The following PPP2CA variants were observed in gnomAD, a reference collection of about 807,000 sequenced individuals.
The protein encoded by PPP2CA is serine/threonine-protein phosphatase 2A catalytic subunit alpha isoform.
A neutral mutation model predicts 38.8 loss-of-function variants in PPP2CA; 5 were observed. That is an observed-to-expected ratio of 0.13 (90% CI 0.07 to 0.27). The LOEUF is 0.27. Ranked by LOEUF, PPP2CA falls within the 10% of genes least tolerant of loss-of-function variation. The pLI is 1.00. For synonymous variants in PPP2CA, 152 were observed against 134.0 expected, an observed-to-expected ratio of 1.13 and a Z score of -0.93; for missense variants, 88 against 389.7, an observed-to-expected ratio of 0.23 and a Z score of 6.52.
At position 134,222,201 on chromosome 5, in the gene PPP2CA, G is replaced by A. The variant is rs932884866; in HGVS notation, c.102+3559C>T. ...GAGTCTTTGAGTTGCATCTGTAACT[G>A]AGAACAATATCTTATAAAAGTATGA... On this transcript the variant is annotated intron_variant, in intron 1 of 6. Transcript: ENST00000481195. 2.0e-5 allele frequency among the ~76,000 whole-genome samples: 3 copies of A among 152,050 alleles called. No homozygotes were observed. In the East Asian group the frequency reaches 5.8e-4, roughly 29 times the overall value.
rs1762077075 is a variant in PPP2CA, at chr5:134,206,093, C to T, written c.141G>A (p.Glu47=). 1.2e-6 allele frequency: 2 copies of T among 1,614,010 alleles called. No homozygotes were observed. The highest frequency in any genetic ancestry group is 8.5e-7 in the Non-Finnish European group (1 of 1,180,014). The part of the protein sequence containing the change: ...EILTKESNVQ[E]VRCPVTVCGD... ...CACAGACAGTAACTGGACATCGAAC[C>T]TCTTGCACGTTGGATTCTTTTGTCA... The change falls in exon 2 of 7, where the codon GAG becomes GAA. Residue 47 remains glutamate (E), a synonymous_variant. Transcript: ENST00000481195.
chr5:134,202,428 C>G (rs549190781), intron 2 of PPP2CA: 2 of 63,946 alleles, frequency 3.1e-5, no homozygotes, highest in East Asian at 5.4e-4. Context: ...CTGGCAACCA[C>G]TGATTTACTG....
chr5:134,224,591 A>C (rs536564686), intron 1 of PPP2CA, among the ~76,000 whole-genome samples: 168 of 152,372 alleles, frequency 1.1e-3, no homozygotes, highest in African/African-American at 3.4e-3. Context: ...ACGTGCTGCA[A>C]AGTTAATTTT....
At chr5:134,198,565 C>T (rs1449430910) in intron 6 of PPP2CA, among the ~76,000 whole-genome samples, 1 of 151,960 alleles carries the variant, frequency 6.6e-6, no homozygotes, top group Admixed American at 6.6e-5. Flanking sequence ...TAGCATAATC[C>T]CTTAATAAAC....
At chr5:134,222,252 T>TC (rs1257184981) in intron 1 of PPP2CA, among the ~76,000 whole-genome samples, 1 of 152,110 alleles carries the variant, frequency 6.6e-6, no homozygotes, top group Non-Finnish European at 1.5e-5. Context: ...GTAACATGCT[T>TC]CCCCCACCTG....
At chr5:134,214,266 C>A (rs1039758452) in intron 1 of PPP2CA, among the ~76,000 whole-genome samples, 16 of 152,202 alleles carry the variant, frequency 1.1e-4, no homozygotes, top group African/African-American at 3.9e-4. Context: ...CCCACACAGA[C>A]CTCTTACTTA....
intron 1 of PPP2CA, among the ~76,000 whole-genome samples, chr5:134,207,549 T>C (rs1378216874): frequency 2.0e-5 from 3 of 152,190 alleles, no homozygotes; most frequent in Non-Finnish European, 2.9e-5. Flanking sequence ...CCACTGCACT[T>C]TGGGACGCTA....
intron 1 of PPP2CA, among the ~76,000 whole-genome samples, chr5:134,211,085 A>G (rs1762194621): frequency 6.6e-6 from 1 of 151,946 alleles, no homozygotes; most frequent in Non-Finnish European, 1.5e-5. Flanking sequence ...ATCTTTGAGG[A>G]TACTTTTTAA....
At position 134,219,644 on chromosome 5, in the gene PPP2CA, T is replaced by C. The variant is rs563467415; in HGVS notation, c.102+6116A>G. On this transcript the variant is annotated intron_variant, in intron 1 of 6. Transcript: ENST00000481195. Reference sequence around the variant, plus strand: ...TCAGATATACACGCATCTGTGTCACTGCCTTGTTCATCCATTCTAAACCAC... The same window carrying C: ...TCAGATATACACGCATCTGTGTCACCGCCTTGTTCATCCATTCTAAACCAC... 2.0e-4 allele frequency among the ~76,000 whole-genome samples: 30 copies of C among 152,320 alleles called. 1 individual carries two copies. The South Asian group carries it at 6.2e-3, about 32-fold the overall frequency.
At chr5:134,212,932 T>C (rs1762232456) in intron 1 of PPP2CA, among the ~76,000 whole-genome samples, 1 of 152,212 alleles carries the variant, frequency 6.6e-6, no homozygotes, top group African/African-American at 2.4e-5. Context: ...CTGCAGAAGT[T>C]AAGCTTAAAG....
intron 1 of PPP2CA, among the ~76,000 whole-genome samples, chr5:134,223,513 A>G (rs914619599): frequency 6.6e-6 from 1 of 152,232 alleles, no homozygotes. Context: ...CATTCCACAG[A>G]AACTTTTATA....
rs185439860 is a variant in PPP2CA at position 134,215,869 on chromosome 5, T to C, written c.103-9738A>G. ...TGCTATCTCAGAGAAAAGATGAGAC[T>C]GAGATAATAACCCTTATTCTTCAAA... On this transcript the variant is annotated intron_variant, in intron 1 of 6. Coordinates refer to ENST00000481195, the MANE Select transcript of PPP2CA (RefSeq NM_002715.4). Among the ~76,000 whole-genome samples the C allele has an allele frequency of 1.4e-3, 217 of 152,334 alleles. 1 individual carries two copies. Among genetic ancestry groups the C allele is most frequent in the African/African-American group, 5.1e-3 (210 of 41,576 alleles).
At position 134,225,966 on chromosome 5, in the gene PPP2CA, G is replaced by A. The variant is rs1762572542; in HGVS notation, c.-105C>T. The A allele has an allele frequency of 1.8e-6, 2 of 1,106,644 alleles. No individual in the cohort carries two copies. The highest frequency in any genetic ancestry group is 5.2e-5 in the East Asian group (2 of 38,164). The allele number at this position is 1,106,644 out of a possible 1,614,324, so 68.6% of individuals were successfully genotyped here. ...GCCGCCGGTTCCTCGTGTACTTCTGGCGGCTGTTGAGGCTGGCGCTGGCCC... is the reference window on the plus strand; with the variant it reads ...GCCGCCGGTTCCTCGTGTACTTCTGACGGCTGTTGAGGCTGGCGCTGGCCC... On this transcript the variant is annotated 5_prime_UTR_variant, in exon 1 of 7. Transcript: ENST00000481195.
intron 5 of PPP2CA, 159 bp from the exon 6 acceptor site, chr5:134,199,363 T>C (rs1761923851): frequency 5.2e-6 from 3 of 577,340 alleles, no homozygotes; most frequent in Non-Finnish European, 9.3e-6. Flanking sequence ...TAATCTCCTG[T>C]ACTTTATACA....
chr5:134,221,925 G>A (rs575864497), intron 1 of PPP2CA, among the ~76,000 whole-genome samples: 8 of 146,180 alleles, frequency 5.5e-5, no homozygotes, highest in African/African-American at 7.6e-5. Context: ...CCGAGATTGC[G>A]CCACTGCACT....
intron 1 of PPP2CA, among the ~76,000 whole-genome samples, chr5:134,215,907 G>A (rs1762310108): frequency 6.6e-6 from 1 of 152,080 alleles, no homozygotes; most frequent in African/African-American, 2.4e-5. Flanking sequence ...TTAGGACTTG[G>A]GTACTCCAAC....
rs770366628 is a variant in PPP2CA at position 134,201,911 on chromosome 5, A to G, written c.423T>C (p.Asn141=). Reference sequence around the variant, plus strand: ...AAAGATCTGTAAAATATTTCCAAACATTTGCATTTCCATATTTTCTTAAAC... The same window carrying G: ...AAAGATCTGTAAAATATTTCCAAACGTTTGCATTTCCATATTTTCTTAAAC... ...DECLRKYGNA[N]VWKYFTDLFD... is the part of the protein sequence containing the mutation. The change falls in exon 3 of 7, where the codon AAT becomes AAC. Residue 141 remains asparagine (N), a synonymous_variant. Transcript: ENST00000481195. 15 of 1,613,912 alleles carry G rather than the reference A, an allele frequency of 9.3e-6. No individual in the cohort carries two copies. The highest frequency in any genetic ancestry group is 1.7e-5 in the Admixed American group (1 of 59,974).
At position 134,196,338 on chromosome 5, in the gene PPP2CA, T is replaced by C. The variant is rs181180328; in HGVS notation, c.*1434A>G. ...TCCTGTTTACTCTGGTAGGTTAAAA[T>C]ATCAAATATTAGTTCCCACAGAAGA... On this transcript the variant is annotated 3_prime_UTR_variant, in exon 7 of 7. Transcript: ENST00000481195. 6.6e-6 allele frequency: 1 copy of C among 152,336 alleles called. No individual in the cohort carries two copies. Among genetic ancestry groups the C allele is most frequent in the East Asian group, 1.9e-4 (1 of 5,192 alleles). 9.4% of individuals were successfully genotyped at this position (152,336 alleles called of 1,614,324 possible).
intron 2 of PPP2CA, among the ~76,000 whole-genome samples, chr5:134,204,618 A>T (rs1762038060): frequency 6.6e-6 from 1 of 151,988 alleles, no homozygotes; most frequent in Non-Finnish European, 1.5e-5. Context: ...GCACCACTGC[A>T]CCTGGCTATT....
Sources: gnomAD v4.1 joint callset for allele counts (sites outside exome capture counted in the v4.1 genomes callset) on GRCh38, gnomAD v4.1.1 for gene constraint, MANE v1.5 for transcripts, NCBI Gene and HGNC (gene_info 2026-07-23, HGNC 2026-07-21) for gene names.